TENM1: variants seen among roughly 807,000 people sequenced by gnomAD.
TENM1 encodes teneurin-1.
Under a neutral mutation model 174.8 loss-of-function variants are expected in TENM1, and 35 were observed. That is an observed-to-expected ratio of 0.20 (90% CI 0.15 to 0.27). The LOEUF (loss-of-function observed/expected upper bound fraction) is 0.27. TENM1 is among the 10% of genes least tolerant of loss of function. The pLI, the probability that TENM1 is intolerant of heterozygous loss-of-function variation, is 1.00. For missense variants in TENM1, 1,633 were observed against 2,130.1 expected, an observed-to-expected ratio of 0.77 and a Z score of 4.59; for synonymous variants, 781 against 798.7, an observed-to-expected ratio of 0.98 and a Z score of 0.37.
At chrX:124,701,100 A>T (rs2052765029) in intron 5 of TENM1, among the ~76,000 whole-genome samples, 1 of 111,529 alleles carries the variant, frequency 9.0e-6, no homozygotes, top group Non-Finnish European at 1.9e-5. Context: ...TAGGCTATAT[A>T]GTATGTCATG....
chrX:124,993,372 T>C, the TENM1 span, among the ~76,000 whole-genome samples: 19 of 111,338 alleles, frequency 1.7e-4, no homozygotes, highest in Middle Eastern at 4.7e-3. Flanking sequence ...CCGTAGTCTA[T>C]ATACTCAGAA....
At chrX:124,760,325 T>C (rs1354809104) in intron 3 of TENM1, among the ~76,000 whole-genome samples, 1 of 111,782 alleles carries the variant, frequency 8.9e-6, no homozygotes, top group Non-Finnish European at 1.9e-5. Context: ...GCAACACCAG[T>C]ATGGTTGGTT....
intron 3 of TENM1, among the ~76,000 whole-genome samples, chrX:124,806,750 A>G (rs1248542236): frequency 2.7e-5 from 3 of 111,665 alleles, no homozygotes; most frequent in African/African-American, 9.8e-5. Context: ...GAAGCACGGC[A>G]TCAGCATCTA....
chrX:124,864,677 G>A (rs1237705653), intron 3 of TENM1, among the ~76,000 whole-genome samples: 3 of 111,116 alleles, frequency 2.7e-5, no homozygotes, highest in African/African-American at 9.8e-5. Context: ...AAGGACAAAG[G>A]GGTAGAAAGT....
At chrX:124,907,472 C>T (rs998104413) in intron 1 of TENM1, among the ~76,000 whole-genome samples, 2 of 111,886 alleles carry the variant, frequency 1.8e-5, no homozygotes, top group Non-Finnish European at 3.8e-5. Flanking sequence ...TCAATGATAT[C>T]GGTGACACAT....
intron 3 of TENM1, among the ~76,000 whole-genome samples, chrX:124,828,708 A>G (rs1015526291): frequency 8.9e-6 from 1 of 111,950 alleles, no homozygotes; most frequent in Non-Finnish European, 1.9e-5. Context: ...AAAATGTAAA[A>G]AATCATTATT....
chrX:124,625,381 G>A (rs1278737001), intron 11 of TENM1, among the ~76,000 whole-genome samples: 1 of 110,649 alleles, frequency 9.0e-6, no homozygotes, highest in African/African-American at 3.3e-5. Context: ...TCATTAAGAA[G>A]GGATTAGAAA....
intron 23 of TENM1, among the ~76,000 whole-genome samples, chrX:124,447,549 C>T (rs1224606767): frequency 3.6e-5 from 4 of 112,125 alleles, no homozygotes; most frequent in African/African-American, 1.3e-4. Context: ...TTAATTAGCA[C>T]TCTATCAAAG....
upstream of TENM1, among the ~76,000 whole-genome samples, chrX:124,964,669 T>A (rs2058703075): frequency 8.9e-6 from 1 of 111,836 alleles, no homozygotes; most frequent in African/African-American, 3.2e-5. Context: ...GACGATCAAG[T>A]GTCATCTGAG....
At chrX:124,912,248 A>C (rs2057849519) in intron 1 of TENM1, among the ~76,000 whole-genome samples, 1 of 111,696 alleles carries the variant, frequency 9.0e-6, no homozygotes, top group African/African-American at 3.3e-5. Flanking sequence ...CATCGAACTG[A>C]AATCTACTAG....
At chrX:124,963,477 G>C in intron 1 of TENM1, 60 bp downstream of exon 4, 1 of 1,009,870 alleles carries the variant, frequency 9.9e-7, no homozygotes, top group Non-Finnish European at 1.4e-6. Flanking sequence ...CAAAGTTTAT[G>C]CACACAAGCA....
At chrX:124,849,725 G>C (rs1331125852) in intron 3 of TENM1, among the ~76,000 whole-genome samples, 1 of 111,567 alleles carries the variant, frequency 9.0e-6, no homozygotes, top group Non-Finnish European at 1.9e-5. Context: ...GCAACTGTGA[G>C]ATAATAAATT....
At chrX:124,841,982 A>G (rs1296628230) in intron 3 of TENM1, among the ~76,000 whole-genome samples, 2 of 112,300 alleles carry the variant, frequency 1.8e-5, no homozygotes, top group Non-Finnish European at 3.8e-5. Context: ...GGCCTCTAGA[A>G]AGTCGAATTG....
intron 1 of TENM1, among the ~76,000 whole-genome samples, chrX:124,902,566 A>G (rs1281283743): frequency 8.9e-6 from 1 of 112,623 alleles, no homozygotes; most frequent in African/African-American, 3.2e-5. Context: ...TACAATCTTA[A>G]GCAAGAAATA....
intron 1 of TENM1, among the ~76,000 whole-genome samples, chrX:124,913,979 T>G (rs2147650119): frequency 8.9e-6 from 1 of 112,036 alleles, no homozygotes; most frequent in East Asian, 2.8e-4. Flanking sequence ...CTGAGGCATG[T>G]ATTATTATCT....
At chrX:124,955,798 C>CACACAA (rs58805188) in intron 1 of TENM1, among the ~76,000 whole-genome samples, 10,122 of 58,286 alleles carry the variant, frequency 0.17, 1,172 homozygotes, top group African/African-American at 0.48. Context: ...CACGCGCACG[C>CACACAA]ACACACACAC....
the TENM1 span, among the ~76,000 whole-genome samples, chrX:125,048,243 A>ATTTTTTTTT: frequency 1.6e-5 from 1 of 64,222 alleles, no homozygotes. Flanking sequence ...GTTTCGAAGC[A>ATTTTTTTTT]TTTTTTTTTT....
intron 11 of TENM1, among the ~76,000 whole-genome samples, chrX:124,591,191 C>T (rs2049730915): frequency 9.0e-6 from 1 of 111,425 alleles, no homozygotes; most frequent in South Asian, 3.8e-4. Flanking sequence ...CAACTTGTGA[C>T]TCTGTGTCTT....
At chrX:124,462,446 T>TG (rs2061188634) in intron 22 of TENM1, among the ~76,000 whole-genome samples, 3 of 6,568 alleles carry the variant, frequency 4.6e-4, no homozygotes, top group Non-Finnish European at 1.2e-3. Context: ...GGGGTGGGGG[T>TG]GGGGGGGAGG....
Sources: allele counts gnomAD v4.1 joint callset (sites outside exome capture counted in the v4.1 genomes callset), GRCh38; gene constraint gnomAD v4.1.1; transcripts MANE v1.5; gene names NCBI Gene and HGNC (gene_info 2026-07-23, HGNC 2026-07-21).